CPA3: variants seen among roughly 807,000 people sequenced by gnomAD.
The protein encoded by CPA3 is mast cell carboxypeptidase A.
In CPA3, 52 loss-of-function variants were observed where a neutral mutation model predicts 55.8. The observed-to-expected ratio is 0.93, with a 90% CI of 0.75 to 1.17. The LOEUF is 1.17. Ranked by LOEUF, CPA3 falls within the 50% of genes most tolerant of loss-of-function variation. The probability of loss-of-function intolerance (pLI) is 0.00; values close to 1 mark genes in which losing one functional copy is unlikely to be tolerated. For synonymous variants in CPA3, 179 were observed against 171.2 expected (o/e 1.05, Z -0.36); for missense variants, 547 against 509.1 (o/e 1.07, Z -0.72).
chr3:148,882,870 G>A (rs757614589), intron 8 of CPA3, among the ~76,000 whole-genome samples: 3 of 152,050 alleles, frequency 2.0e-5, no homozygotes, highest in Non-Finnish European at 4.4e-5. Flanking sequence ...TAAAAATTCA[G>A]ATAATCTGAA....
chr3:148,886,699 A>G (rs1388963112), intron 10 of CPA3, among the ~76,000 whole-genome samples: 1 of 152,216 alleles, frequency 6.6e-6, no homozygotes, highest in African/African-American at 2.4e-5. Context: ...CATCTAAAAA[A>G]AATCACATAA....
At chr3:148,867,355 G>A (rs971996064) in intron 2 of CPA3, among the ~76,000 whole-genome samples, 11 of 152,188 alleles carry the variant, frequency 7.2e-5, no homozygotes, top group African/African-American at 2.4e-4. Flanking sequence ...TTGTGCTCCT[G>A]GAATACCCGG....
chr3:148,889,571 T>C (rs1018345094), intron 10 of CPA3, among the ~76,000 whole-genome samples: 3 of 152,114 alleles, frequency 2.0e-5, no homozygotes, highest in South Asian at 2.1e-4. Flanking sequence ...TGACTTCCCA[T>C]TAGAATCATC....
chr3:148,870,505 G>A (rs915403661), intron 3 of CPA3, among the ~76,000 whole-genome samples: 2 of 151,984 alleles, frequency 1.3e-5, no homozygotes, highest in East Asian at 1.9e-4. Flanking sequence ...TCTTATTCAC[G>A]GCTTTAAAGA....
intron 3 of CPA3, among the ~76,000 whole-genome samples, chr3:148,871,626 A>G (rs1714069078): frequency 6.6e-6 from 1 of 152,180 alleles, no homozygotes. Context: ...TCCTCAAATT[A>G]GTGTGTTTTT....
intron 2 of CPA3, among the ~76,000 whole-genome samples, chr3:148,867,884 C>T (rs1048894763): frequency 8.5e-5 from 13 of 152,182 alleles, no homozygotes; most frequent in African/African-American, 3.1e-4. Flanking sequence ...TCAATGTTTG[C>T]TTTTGTTTTT....
chr3:148,890,662 A>G (rs1204217471), intron 10 of CPA3, among the ~76,000 whole-genome samples: 3 of 152,226 alleles, frequency 2.0e-5, no homozygotes, highest in African/African-American at 7.2e-5. Flanking sequence ...TAGTATTAAT[A>G]TAAAAGTACA....
At chr3:148,873,836 A>T (rs1397919865) in intron 3 of CPA3, among the ~76,000 whole-genome samples, 1 of 152,250 alleles carries the variant, frequency 6.6e-6, no homozygotes, top group Non-Finnish European at 1.5e-5. Flanking sequence ...TAAAATGTAA[A>T]TACAGTGCTG....
rs368374752 is a variant in CPA3, at chr3:148,883,728, G to A, written c.894G>A (p.Lys298=). 6.2e-7 allele frequency: 1 copy of A among 1,613,840 alleles called. No homozygotes were observed. The highest frequency in any genetic ancestry group is 1.3e-5 in the African/African-American group (1 of 74,878). ...NFIRSHLNEI[K]VYITFHSYSQ... ...TTAGAAGCCACCTGAATGAAATCAA[G>A]GTTTACATCACCTTCCATTCCTACT... Residue 298 remains lysine (K), a synonymous_variant, in exon 9 of 11, where the codon AAG becomes AAA. Coordinates refer to ENST00000296046, the MANE Select transcript of CPA3 (RefSeq NM_001870.4).
intron 3 of CPA3, among the ~76,000 whole-genome samples, chr3:148,873,294 T>A (rs935359739): frequency 3.3e-5 from 5 of 151,928 alleles, no homozygotes; most frequent in Admixed American, 6.6e-5. Context: ...ATCAGGAGAA[T>A]CCAGTCCCAT....
chr3:148,869,770 G>A (rs1714009344), intron 3 of CPA3, among the ~76,000 whole-genome samples: 1 of 152,140 alleles, frequency 6.6e-6, no homozygotes, highest in Non-Finnish European at 1.5e-5. Context: ...GCCCAGCAAT[G>A]AATATCATAA....
chr3:148,870,658 T>C (rs1194343105), intron 3 of CPA3, among the ~76,000 whole-genome samples: 2 of 152,096 alleles, frequency 1.3e-5, no homozygotes, highest in African/African-American at 4.8e-5. Context: ...ACTTAAAGTA[T>C]AAAAATATAT....
At chr3:148,867,274 A>C (rs1713927475) in intron 2 of CPA3, among the ~76,000 whole-genome samples, 1 of 152,206 alleles carries the variant, frequency 6.6e-6, no homozygotes, top group South Asian at 2.1e-4. Flanking sequence ...CTCAAGATCC[A>C]ACTCAGGCAG....
In CPA3 at chr3:148,868,021, G is replaced by A. The variant is rs550519346; in HGVS notation, c.145-894G>A. Among the ~76,000 whole-genome samples the A allele has an allele frequency of 1.1e-4, 17 of 152,196 alleles. No individual in the cohort carries two copies. In the South Asian group the frequency reaches 2.1e-3, roughly 19 times the overall value. ...AGCAATTCTCCTGCATCAGCCTCCC[G>A]AGTAGCTGAGATTACAGGCATGTGC... is the stretch of plus-strand genomic sequence containing the variant. On this transcript the variant is annotated intron_variant, in intron 2 of 10. Coordinates refer to ENST00000296046, the MANE Select transcript of CPA3 (RefSeq NM_001870.4).
Position 148,875,074 on chromosome 3 carries a change from C to T in CPA3, c.270-3367C>T, listed in dbSNP as rs73016128. ...AAGATCACATGTTCGTATTATGTAG[C>T]TGAACTGGGGTTGGAACCCAAGAAG... On this transcript the variant is annotated intron_variant, in intron 3 of 10. Transcript: ENST00000296046. Among the ~76,000 whole-genome samples the T allele has an allele frequency of 1.5e-3, 225 of 152,274 alleles. 1 individual carries two copies. Among genetic ancestry groups the T allele is most frequent in the African/African-American group, 5.3e-3 (221 of 41,554 alleles).
At chr3:148,893,504 ATAAC>A (rs1714729834) in intron 10 of CPA3, among the ~76,000 whole-genome samples, 1 of 152,186 alleles carries the variant, frequency 6.6e-6, no homozygotes, top group African/African-American at 2.4e-5. Context: ...ACAAAAATAA[ATAAC>A]TAAACAAAGC....
chr3:148,896,545 C>T lies in CPA3; in HGVS notation c.1092C>T (p.Asp364=), dbSNP rs1378305016. 18 of 1,532,510 alleles carry T rather than the reference C, an allele frequency of 1.2e-5. No individual in the cohort carries two copies. Among genetic ancestry groups the T allele is most frequent in the Non-Finnish European group, 1.6e-5 (18 of 1,120,900 alleles). 94.9% of individuals were successfully genotyped at this position (1,532,510 alleles called of 1,614,324 possible). A position where few individuals can be genotyped will look rare whatever the true frequency, so the allele number is the denominator to read the frequency against. ...ACCCGATATCAGGTTCTTCTTTAGA[C>T]TGGGCTTATGACCTGGGCATCAAAC... is the stretch of plus-strand genomic sequence containing the variant. The part of the protein sequence containing the change: ...TIYPISGSSL[D]WAYDLGIKHT... Residue 364 remains aspartate (D), a synonymous_variant, in exon 11 of 11, where the codon GAC becomes GAT. Transcript: ENST00000296046.
At chr3:148,867,665 G>T (rs1477815350) in intron 2 of CPA3, among the ~76,000 whole-genome samples, 1 of 152,126 alleles carries the variant, frequency 6.6e-6, no homozygotes, top group Admixed American at 6.5e-5. Flanking sequence ...AATAAACATT[G>T]GTTGGTTCAT....
rs775837205 is a variant in CPA3, at chr3:148,878,651, T to C, written c.377T>C (p.Val126Ala). ...YAKYNNWEKI[V>A]AWTEKMMDKY... Reference sequence around the variant, plus strand: ...AAAATTGATTTTGCTCTTAAGATTGTGGCTTGGACTGAAAAGATGATGGAT... The same window carrying C: ...AAAATTGATTTTGCTCTTAAGATTGCGGCTTGGACTGAAAAGATGATGGAT... Residue 126 changes from valine to alanine, a missense_variant, in exon 5 of 11, where the codon GTG becomes GCG. Val to Ala is a moderately conservative substitution (Grantham distance 64). Coordinates refer to ENST00000296046, the MANE Select transcript of CPA3 (RefSeq NM_001870.4). 2 of 1,604,278 alleles carry C rather than the reference T, an allele frequency of 1.2e-6. No homozygotes were observed. Among genetic ancestry groups the C allele is most frequent in the South Asian group, 1.1e-5 (1 of 88,948 alleles).
Sources: allele counts gnomAD v4.1 joint callset (sites outside exome capture counted in the v4.1 genomes callset), GRCh38; gene constraint gnomAD v4.1.1; transcripts MANE v1.5; gene names NCBI Gene and HGNC (gene_info 2026-07-23, HGNC 2026-07-21).